RBFOX1: variants seen among roughly 807,000 people sequenced by gnomAD.
RBFOX1 encodes the protein RNA binding protein fox-1 homolog 1.
In RBFOX1, 8 loss-of-function variants were observed where a neutral mutation model predicts 57.7. The ratio of observed to expected loss-of-function variants is 0.14; its 90% CI spans 0.08 to 0.25. The LOEUF is 0.25. Among genes scored for constraint, RBFOX1 ranks in the 10% least tolerant of loss-of-function variants. The probability of loss-of-function intolerance (pLI) is 1.00; values close to 1 mark genes in which losing one functional copy is unlikely to be tolerated. For missense variants in RBFOX1, 611 were observed against 548.5 expected (o/e 1.11, Z -1.14); for synonymous variants, 326 against 222.4 (o/e 1.47, Z -4.15).
At chr16:5,943,377 A>G (rs2059321444) in intron 4 of RBFOX1, among the ~76,000 whole-genome samples, 1 of 152,200 alleles carries the variant, frequency 6.6e-6, no homozygotes, top group African/African-American at 2.4e-5. Context: ...CAAGCCTTGT[A>G]GGGTTTCCCT....
chr16:7,257,014 C>G (rs546802363), intron 4 of RBFOX1, among the ~76,000 whole-genome samples: 2 of 152,278 alleles, frequency 1.3e-5, no homozygotes, highest in East Asian at 1.9e-4. Context: ...TCTCCTCTCC[C>G]CCTCTGATCC....
intron 2 of RBFOX1, among the ~76,000 whole-genome samples, chr16:5,585,177 C>A (rs144718157): frequency 6.6e-6 from 1 of 152,110 alleles, no homozygotes; most frequent in Non-Finnish European, 1.5e-5. Context: ...ATCCTGCCCT[C>A]CCCCCGTCCC....
intron 3 of RBFOX1, among the ~76,000 whole-genome samples, chr16:6,668,434 C>G (rs146252849): frequency 6.6e-6 from 1 of 152,186 alleles, no homozygotes; most frequent in Admixed American, 6.5e-5. Context: ...CCCAAAGATG[C>G]TTCTGTTCTT....
At chr16:6,305,107 A>C (rs1157023287) in intron 1 of RBFOX1, among the ~76,000 whole-genome samples, 2 of 152,186 alleles carry the variant, frequency 1.3e-5, no homozygotes, top group Non-Finnish European at 2.9e-5. Flanking sequence ...TTGTAAAAGC[A>C]CATCAATCAG....
At chr16:7,145,241 G>A (rs897868702) in intron 4 of RBFOX1, among the ~76,000 whole-genome samples, 2 of 152,062 alleles carry the variant, frequency 1.3e-5, no homozygotes, top group Non-Finnish European at 2.9e-5. Flanking sequence ...GTCTTGCTCT[G>A]TTGCCCAGGC....
intron 4 of RBFOX1, among the ~76,000 whole-genome samples, chr16:7,196,083 T>C (rs559093253): frequency 3.9e-5 from 6 of 152,232 alleles, no homozygotes; most frequent in African/African-American, 1.2e-4. Context: ...ATTATTGTTA[T>C]TATTATTGTT....
intron 4 of RBFOX1, among the ~76,000 whole-genome samples, chr16:7,072,146 A>G (rs1338209388): frequency 6.6e-6 from 1 of 152,200 alleles, no homozygotes; most frequent in Non-Finnish European, 1.5e-5. Flanking sequence ...AGTAGTTACA[A>G]CTGTTGTCCT....
chr16:7,177,306 A>G (rs1339220893), intron 4 of RBFOX1, among the ~76,000 whole-genome samples: 1 of 152,176 alleles, frequency 6.6e-6, no homozygotes, highest in Non-Finnish European at 1.5e-5. Context: ...CAAACAAACA[A>G]AAAGCCCTGA....
chr16:6,018,377 A>G (rs1446656814), upstream of RBFOX1, among the ~76,000 whole-genome samples: 1 of 152,224 alleles, frequency 6.6e-6, no homozygotes, highest in Non-Finnish European at 1.5e-5. Flanking sequence ...CTCCATGTAA[A>G]GTGCTTAAAA....
intron 3 of RBFOX1, among the ~76,000 whole-genome samples, chr16:7,024,593 C>T (rs76923470): frequency 6.6e-6 from 1 of 152,064 alleles, no homozygotes; most frequent in East Asian, 1.9e-4. Flanking sequence ...ATATTGCAAG[C>T]GATAACTGTG....
chr16:7,436,834 G>T (rs1322320160), intron 4 of RBFOX1, among the ~76,000 whole-genome samples: 1 of 152,196 alleles, frequency 6.6e-6, no homozygotes, highest in African/African-American at 2.4e-5. Context: ...GACCAAGGCA[G>T]GCGGATCATC....
intron 1 of RBFOX1, among the ~76,000 whole-genome samples, chr16:5,402,849 A>T (rs984451397): frequency 6.6e-6 from 1 of 152,124 alleles, no homozygotes; most frequent in Non-Finnish European, 1.5e-5. Flanking sequence ...CGTCCATCCA[A>T]TATAGATATA....
In RBFOX1 at chr16:6,844,386, C is replaced by G. The variant is rs576741104; in HGVS notation, c.-16+189736C>G. 2.4e-4 allele frequency among the ~76,000 whole-genome samples: 37 copies of G among 152,282 alleles called. 1 individual carries two copies. Among genetic ancestry groups the G allele is most frequent in the South Asian group, 2.1e-4 (1 of 4,824 alleles). On this transcript the variant is annotated intron_variant, in intron 3 of 15. Coordinates refer to ENST00000550418, the MANE Select transcript of RBFOX1 (RefSeq NM_018723.4). ...AGCAGATCCCCACGCCCATTGTTCT[C>G]TCCCATGTGCCCATGTGTTCTCATC... is the stretch of plus-strand genomic sequence containing the variant.
At position 6,565,412 on chromosome 16, in the gene RBFOX1, C is replaced by G. The variant is rs147877926; in HGVS notation, c.-63-89191C>G. The stretch of plus-strand genomic sequence containing the variant: ...AGCTGGAACTACAGGCGCCCGCCAC[C>G]ATGCCTGGCTAATTTTTTGTATTTT... On this transcript the variant is annotated intron_variant, in intron 2 of 15. Coordinates refer to ENST00000550418, the MANE Select transcript of RBFOX1 (RefSeq NM_018723.4). 1.9e-3 allele frequency among the ~76,000 whole-genome samples: 296 copies of G among 152,154 alleles called. 1 individual carries two copies. The highest frequency in any genetic ancestry group is 3.4e-3 in the Non-Finnish European group (229 of 68,004).
intron 2 of RBFOX1, among the ~76,000 whole-genome samples, chr16:6,439,072 G>A (rs2094310478): frequency 6.6e-6 from 1 of 152,162 alleles, no homozygotes; most frequent in Non-Finnish European, 1.5e-5. Context: ...AATCTAGCCT[G>A]TTTTTGTAGG....
intron 3 of RBFOX1, among the ~76,000 whole-genome samples, chr16:6,716,883 A>G (rs1159164741): frequency 6.6e-6 from 1 of 152,192 alleles, no homozygotes; most frequent in Non-Finnish European, 1.5e-5. Context: ...AAATCCATAC[A>G]TGGAAATCCT....
intron 1 of RBFOX1, among the ~76,000 whole-genome samples, chr16:5,453,367 A>G (rs1403697902): frequency 1.3e-5 from 2 of 152,176 alleles, no homozygotes; most frequent in Non-Finnish European, 2.9e-5. Context: ...AAGTGCATTA[A>G]AGATCTTAGA....
At chr16:7,328,799 A>C (rs2096646902) in intron 4 of RBFOX1, 1 of 152,148 alleles carries the variant, frequency 6.6e-6, no homozygotes, top group Admixed American at 6.5e-5. Context: ...GGAACAGCAA[A>C]GGAGCGAGTA....
intron 3 of RBFOX1, among the ~76,000 whole-genome samples, chr16:7,040,176 A>G (rs2045721767): frequency 6.6e-6 from 1 of 151,956 alleles, no homozygotes; most frequent in African/African-American, 2.4e-5. Flanking sequence ...GCCCGCCACC[A>G]TGCTAGCTAG....
Sources: gnomAD v4.1 joint callset for allele counts (sites outside exome capture counted in the v4.1 genomes callset) on GRCh38, gnomAD v4.1.1 for gene constraint, MANE v1.5 for transcripts, NCBI Gene and HGNC (gene_info 2026-07-23, HGNC 2026-07-21) for gene names.